Variants in OSBPL10 observed in about 807,000 individuals in gnomAD.
The protein encoded by OSBPL10 is oxysterol binding protein like 10, also known as oxysterol-binding protein-related protein 10.
A neutral mutation model predicts 81.7 loss-of-function variants in OSBPL10; 49 were observed. The ratio of observed to expected loss-of-function variants is 0.60; its 90% CI spans 0.48 to 0.76. The LOEUF (loss-of-function observed/expected upper bound fraction) is 0.76. OSBPL10 is among the 30% of genes least tolerant of loss of function. The probability of loss-of-function intolerance (pLI) is 0.00; values close to 1 mark genes in which losing one functional copy is unlikely to be tolerated. For synonymous variants in OSBPL10, 419 were observed against 383.6 expected (o/e 1.09, Z -1.08); for missense variants, 923 against 987.8 (o/e 0.93, Z 0.88).
intron 1 of OSBPL10, among the ~76,000 whole-genome samples, chr3:31,942,629 G>C (rs763479396): frequency 2.0e-5 from 3 of 150,564 alleles, no homozygotes; most frequent in Non-Finnish European, 4.4e-5. Flanking sequence ...TCCATTGTCA[G>C]CATCTGAGCC....
chr3:31,864,827 C>G (rs1006031265), intron 3 of OSBPL10, among the ~76,000 whole-genome samples: 1 of 152,150 alleles, frequency 6.6e-6, no homozygotes, highest in Non-Finnish European at 1.5e-5. Flanking sequence ...ACAGGCATAA[C>G]TAGCAGTCTC....
chr3:31,674,432 C>T (rs1374668708), intron 8 of OSBPL10, among the ~76,000 whole-genome samples: 1 of 152,018 alleles, frequency 6.6e-6, no homozygotes, highest in Admixed American at 6.6e-5. Flanking sequence ...TGGTGGTGAG[C>T]ACCTGTAGTC....
chr3:32,070,679 G>GTCCCGT (rs1699822431), intron 1 of OSBPL10, among the ~76,000 whole-genome samples: 1 of 152,146 alleles, frequency 6.6e-6, no homozygotes, highest in South Asian at 2.1e-4. Flanking sequence ...CGTTTTACCT[G>GTCCCGT]TTCAAAAACT....
intron 1 of OSBPL10, among the ~76,000 whole-genome samples, chr3:31,980,468 T>A (rs914962898): frequency 6.6e-6 from 1 of 152,176 alleles, no homozygotes; most frequent in African/African-American, 2.4e-5. Context: ...ACTTAGAGAA[T>A]TACTGTAATC....
chr3:31,812,084 G>A (rs1699695981), intron 4 of OSBPL10, among the ~76,000 whole-genome samples: 1 of 152,174 alleles, frequency 6.6e-6, no homozygotes, highest in African/African-American at 2.4e-5. Context: ...CTGGAGTGCA[G>A]TGTCGCGATC....
chr3:31,670,719 A>G (rs372686776), intron 9 of OSBPL10, 78 bp downstream of exon 9: 2 of 1,413,270 alleles, frequency 1.4e-6, no homozygotes, highest in East Asian at 2.3e-5. Context: ...CATTACTGAA[A>G]CTCAGTCTTC....
intron 1 of OSBPL10, among the ~76,000 whole-genome samples, chr3:31,913,409 T>G (rs1451006878): frequency 6.6e-6 from 1 of 151,820 alleles, no homozygotes; most frequent in Non-Finnish European, 1.5e-5. Context: ...ACACCACACC[T>G]GGCTAATTTT....
chr3:31,980,983 G>A lies in OSBPL10; in HGVS notation c.197C>T (p.Ser66Phe). 1.3e-6 allele frequency: 2 copies of A among 1,553,522 alleles called. No individual in the cohort carries two copies. The highest frequency in any genetic ancestry group is 8.7e-7 in the Non-Finnish European group (1 of 1,155,056). ...CTCCCTCCTGCGGCCGCCTCCCCCG[G>A]ACGGGCTAGCGGCCACAGAGCCCGG... ...SSPGSVAASP[S>F]GGGGRRREPA... Residue 66 changes from serine (S) to phenylalanine (F), a missense_variant, in exon 1 of 12, where the codon TCC becomes TTC. Transcript: ENST00000396556.
chr3:31,745,659 G>C (rs932072474), intron 5 of OSBPL10, among the ~76,000 whole-genome samples: 1 of 152,110 alleles, frequency 6.6e-6, no homozygotes, highest in African/African-American at 2.4e-5. Flanking sequence ...TTCTGCCCTC[G>C]TTCTGCCACT....
At chr3:31,941,516 G>A (rs760460833) in intron 1 of OSBPL10, among the ~76,000 whole-genome samples, 1 of 152,134 alleles carries the variant, frequency 6.6e-6, no homozygotes, top group African/African-American at 2.4e-5. Context: ...ATTTGGAAAC[G>A]TACCAAGAGC....
chr3:31,967,840 G>A (rs183986000), intron 1 of OSBPL10, among the ~76,000 whole-genome samples: 18 of 152,146 alleles, frequency 1.2e-4, no homozygotes, highest in African/African-American at 3.6e-4. Context: ...TCTGGATGAA[G>A]CTTCAAGAAT....
chr3:31,911,562 G>A (rs1397137756), intron 1 of OSBPL10, among the ~76,000 whole-genome samples: 1 of 151,558 alleles, frequency 6.6e-6, no homozygotes, highest in African/African-American at 2.4e-5. Flanking sequence ...AAGAAGAATT[G>A]TCTTGGGCCA....
chr3:31,702,509 C>T lies in OSBPL10; in HGVS notation c.1096-1G>A. On this transcript the variant is annotated splice_acceptor_variant, in intron 6 of 11. Transcript: ENST00000396556. LOFTEE classifies it high-confidence loss of function. ...AAACCAATTCAGAGCCTGAGTTTGG[C>T]TAAAATGAAATAATCAATAAAAATC... 6.2e-7 allele frequency: 1 copy of T among 1,613,932 alleles called. No individual in the cohort carries two copies. Among genetic ancestry groups the T allele is most frequent in the Non-Finnish European group, 8.5e-7 (1 of 1,179,978 alleles).
chr3:31,937,179 G>A (rs1697398749), intron 1 of OSBPL10, among the ~76,000 whole-genome samples: 1 of 151,910 alleles, frequency 6.6e-6, no homozygotes, highest in Non-Finnish European at 1.5e-5. Flanking sequence ...AGCTACTCAG[G>A]AGGCTGAGGC....
intron 1 of OSBPL10, among the ~76,000 whole-genome samples, chr3:31,949,641 C>G (rs561510509): frequency 8.6e-6 from 1 of 115,714 alleles, no homozygotes. Flanking sequence ...GCACTCCAGC[C>G]TGGGCAACAG....
At chr3:31,733,742 G>A (rs568138776) in intron 5 of OSBPL10, among the ~76,000 whole-genome samples, 58 of 144,628 alleles carry the variant, frequency 4.0e-4, no homozygotes, top group Middle Eastern at 3.6e-3. Context: ...GGCCAGGTGC[G>A]GTGGCTCACG....
intron 9 of OSBPL10, 64 bp downstream of exon 9, chr3:31,670,733 T>C (rs780189079): frequency 2.6e-5 from 38 of 1,479,010 alleles, no homozygotes; most frequent in Non-Finnish European, 3.4e-5. Flanking sequence ...AGTCTTCTAA[T>C]GGTGAAAGGA....
chr3:31,679,904 CAG>C (rs1472806688), intron 8 of OSBPL10, among the ~76,000 whole-genome samples: 1 of 152,192 alleles, frequency 6.6e-6, no homozygotes, highest in Non-Finnish European at 1.5e-5. Flanking sequence ...AAACCTCCCA[CAG>C]GGGAGTCCTT....
intron 1 of OSBPL10, among the ~76,000 whole-genome samples, chr3:32,053,817 T>C (rs565684252): frequency 6.6e-6 from 1 of 152,050 alleles, no homozygotes; most frequent in African/African-American, 2.4e-5. Context: ...CTACTAAAAA[T>C]ACAAAAATTA....
Sources: gnomAD v4.1 joint callset for allele counts (sites outside exome capture counted in the v4.1 genomes callset) on GRCh38, gnomAD v4.1.1 for gene constraint, MANE v1.5 for transcripts, NCBI Gene and HGNC (gene_info 2026-07-23, HGNC 2026-07-21) for gene names.